FAM181A: variants seen among roughly 807,000 people sequenced by gnomAD.
The protein encoded by FAM181A is protein FAM181A.
A neutral mutation model predicts 16.3 loss-of-function variants in FAM181A; 7 were observed. That is an observed-to-expected ratio of 0.43 (90% CI 0.24 to 0.81). The LOEUF is 0.81. Among genes scored for constraint, FAM181A ranks in the 30% least tolerant of loss-of-function variants. The probability of loss-of-function intolerance (pLI) is 0.24; values close to 1 mark genes in which losing one functional copy is unlikely to be tolerated. For synonymous variants in FAM181A, 183 were observed against 164.9 expected (o/e 1.11, Z -0.84); for missense variants, 349 against 377.5 (o/e 0.92, Z 0.63).
chr14:93,927,341 G>A, upstream of FAM181A: 1 of 1,115,846 alleles, frequency 9.0e-7, no homozygotes, highest in Non-Finnish European at 1.1e-6. Context: ...CCACTCAAGG[G>A]TTGCACAACT....
chr14:93,928,888 G>T lies in FAM181A; in HGVS notation c.603G>T (p.Gly201=), dbSNP rs752271937. 3 of 1,614,150 alleles carry T rather than the reference G, an allele frequency of 1.9e-6. No homozygotes were observed. The Admixed American group carries it at 5.0e-5, about 27-fold the overall frequency. ...LAEKEPLKMP[G]VSLVGRVNAW... is the part of the protein sequence containing the mutation. ...AAAAGGAGCCGCTCAAGATGCCTGG[G>T]GTCTCCTTGGTGGGCCGCGTCAATG... Residue 201 remains glycine (G), a synonymous_variant, in exon 2 of 2, where the codon GGG becomes GGT. Coordinates refer to ENST00000556222, the MANE Select transcript of FAM181A (RefSeq NM_001207073.2).
At position 93,927,445 on chromosome 14, in the gene FAM181A, C is replaced by T. The variant is rs1312841972; in HGVS notation, c.-97C>T. ...CGGGCCACGTTGGTGGGGCCTGGGC[C>T]GCACCTTCGGTCAGTGTGGAGGCCC... On this transcript the variant is annotated 5_prime_UTR_variant, in exon 1 of 2. Transcript: ENST00000556222. 70 of 1,222,598 alleles carry T rather than the reference C, an allele frequency of 5.7e-5. 1 individual carries two copies. The highest frequency in any genetic ancestry group is 6.8e-5 in the Non-Finnish European group (65 of 950,652). 75.7% of individuals were successfully genotyped at this position (1,222,598 alleles called of 1,614,324 possible).
At position 93,929,310 on chromosome 14, in the gene FAM181A, G is replaced by A. The variant is rs1888065219; in HGVS notation, c.*146G>A. The A allele has an allele frequency of 5.3e-6, 6 of 1,127,018 alleles. No homozygotes were observed. The highest frequency in any genetic ancestry group is 3.0e-5 in the Admixed American group (1 of 32,910). The allele number at this position is 1,127,018 out of a possible 1,614,324, so 69.8% of individuals were successfully genotyped here. Reference sequence around the variant, plus strand: ...GGAGTGGAGGGCAGGATTGGGGCAGGGCTCCTCAGGCAGTGACCCTTCAGC... The same window carrying A: ...GGAGTGGAGGGCAGGATTGGGGCAGAGCTCCTCAGGCAGTGACCCTTCAGC... On this transcript the variant is annotated 3_prime_UTR_variant, in exon 2 of 2. Transcript: ENST00000556222.
In FAM181A at chr14:93,927,387, G is replaced by C; in HGVS notation, c.-155G>C. 8.7e-7 allele frequency: 1 copy of C among 1,143,978 alleles called. No homozygotes were observed. Among genetic ancestry groups the C allele is most frequent in the Non-Finnish European group, 1.1e-6 (1 of 918,020 alleles). The allele number at this position is 1,143,978 out of a possible 1,614,324, so 70.9% of individuals were successfully genotyped here. A position where few individuals can be genotyped will look rare whatever the true frequency, so the allele number is the denominator to read the frequency against. ...GGACGGAGCTCGGCCGGCTGCGCCG[G>C]GGCCTGTCCCAGGTCTGCAGTGGGG... On this transcript the variant is annotated 5_prime_UTR_variant, in exon 1 of 2. Coordinates refer to ENST00000556222, the MANE Select transcript of FAM181A (RefSeq NM_001207073.2).
upstream of FAM181A, among the ~76,000 whole-genome samples, chr14:93,922,551 G>A (rs1887763332): frequency 1.3e-5 from 2 of 152,232 alleles, no homozygotes; most frequent in South Asian, 4.2e-4. Context: ...TTAGCCAGGG[G>A]TGGTGGCACA....
chr14:93,929,378 T>G lies in FAM181A; in HGVS notation c.*214T>G. 1.7e-6 allele frequency: 1 copy of G among 576,662 alleles called. No individual in the cohort carries two copies. The highest frequency in any genetic ancestry group is 2.7e-6 in the Non-Finnish European group (1 of 364,268). 35.7% of individuals were successfully genotyped at this position (576,662 alleles called of 1,614,324 possible). On this transcript the variant is annotated 3_prime_UTR_variant, in exon 2 of 2. Transcript: ENST00000556222. ...TGGGAGGCTGGACCTGGTTGGCCCC[T>G]CCCCAGGCAGGCCAGGGCCCAGCAG... is the stretch of plus-strand genomic sequence containing the variant.
chr14:93,927,166 T>G, upstream of FAM181A: 7 of 506,898 alleles, frequency 1.4e-5, no homozygotes, highest in Non-Finnish European at 1.8e-5. Flanking sequence ...AATGATTGCA[T>G]TTGGGAGCTG....
At chr14:93,927,669 T>C (rs746931032) in intron 1 of FAM181A, 2 of 1,233,506 alleles carry the variant, frequency 1.6e-6, no homozygotes, top group Non-Finnish European at 2.1e-6. Context: ...TGCCTGGTCC[T>C]GCGTGAGAGC....
At chr14:93,927,712 C>A in intron 1 of FAM181A, 2 of 955,380 alleles carry the variant, frequency 2.1e-6, no homozygotes, top group East Asian at 8.7e-5. Context: ...AGGAGGGGGG[C>A]TGGTGCTCCT....
chr14:93,921,169 G>T (rs768544644), intron 1 of FAM181A, among the ~76,000 whole-genome samples: 19 of 152,182 alleles, frequency 1.2e-4, no homozygotes, highest in Non-Finnish European at 2.5e-4. Flanking sequence ...GCCCAGAGAG[G>T]GTGAGTGACT....
chr14:93,920,991 A>G (rs188010770), intron 1 of FAM181A, among the ~76,000 whole-genome samples: 146 of 152,328 alleles, frequency 9.6e-4, no homozygotes, highest in African/African-American at 3.3e-3. Flanking sequence ...ATGATGTTGA[A>G]TCTGCTCAGA....
chr14:93,927,446 G>A lies in FAM181A; in HGVS notation c.-96G>A, dbSNP rs571897197. The A allele has an allele frequency of 2.3e-5, 28 of 1,221,630 alleles. No homozygotes were observed. The South Asian group carries it at 2.8e-4, about 12-fold the overall frequency. 75.7% of individuals were successfully genotyped at this position (1,221,630 alleles called of 1,614,324 possible). A position where few individuals can be genotyped will look rare whatever the true frequency, so the allele number is the denominator to read the frequency against. On this transcript the variant is annotated 5_prime_UTR_variant, in exon 1 of 2. Coordinates refer to ENST00000556222, the MANE Select transcript of FAM181A (RefSeq NM_001207073.2). ...GGGCCACGTTGGTGGGGCCTGGGCC[G>A]CACCTTCGGTCAGTGTGGAGGCCCG...
chr14:93,928,083 T>G, intron 1 of FAM181A, 116 bp from the exon 2 acceptor site: 3 of 1,480,248 alleles, frequency 2.0e-6, no homozygotes, highest in Non-Finnish European at 2.7e-6. Flanking sequence ...CAGGACTCTG[T>G]TTAGGGCTGA....
In FAM181A at chr14:93,928,210, G is replaced by A; in HGVS notation, c.-76G>A. ...GTTTTGTCCCCCAGGTCAGCTCGGT[G>A]CCCTTCCTTGGAGCTGCCGGCCACC... On this transcript the variant is annotated 5_prime_UTR_variant, in exon 2 of 2. Coordinates refer to ENST00000556222, the MANE Select transcript of FAM181A (RefSeq NM_001207073.2). 6.2e-7 allele frequency: 1 copy of A among 1,613,056 alleles called. No individual in the cohort carries two copies. The highest frequency in any genetic ancestry group is 8.5e-7 in the Non-Finnish European group (1 of 1,179,700).
chr14:93,919,815 G>T (rs1197816521), intron 1 of FAM181A, among the ~76,000 whole-genome samples: 1 of 152,142 alleles, frequency 6.6e-6, no homozygotes, highest in African/African-American at 2.4e-5. Context: ...TTTGTGAGAT[G>T]CGGCCAAAGC....
upstream of FAM181A, chr14:93,925,316 A>T: frequency 6.2e-7 from 1 of 1,613,736 alleles, no homozygotes; most frequent in Non-Finnish European, 8.5e-7. Flanking sequence ...GGAATGATGC[A>T]GCCCCCACAA....
Position 93,928,598 on chromosome 14 carries a change from A to G in FAM181A, c.313A>G (p.Arg105Gly), listed in dbSNP as rs756906691. 1.9e-6 allele frequency: 3 copies of G among 1,613,908 alleles called. No homozygotes were observed. Among genetic ancestry groups the G allele is most frequent in the South Asian group, 1.1e-5 (1 of 91,086 alleles). ...GGAGAAGGTGCTGAGGAACCCCTAC[A>G]GGGAGGAATGTCTTGCTAAGGAGCA... is the stretch of plus-strand genomic sequence containing the variant. ...CKEKVLRNPY[R>G]EECLAKEQLP... Residue 105 changes from arginine (R) to glycine (G), a missense_variant, in exon 2 of 2, where the codon AGG becomes GGG. Arg to Gly is a moderately radical substitution (Grantham distance 125). Coordinates refer to ENST00000556222, the MANE Select transcript of FAM181A (RefSeq NM_001207073.2).
chr14:93,920,248 T>C (rs1887673392), intron 1 of FAM181A, among the ~76,000 whole-genome samples: 1 of 152,104 alleles, frequency 6.6e-6, no homozygotes, highest in Admixed American at 6.5e-5. Context: ...ACCTCCTCTC[T>C]ACAAAAAATT....
At chr14:93,925,067 C>A, upstream of FAM181A, 1 of 539,514 alleles carries the variant, frequency 1.9e-6, no homozygotes. Flanking sequence ...GAAGAACAGC[C>A]CACATTAAGA....
Sources: allele counts gnomAD v4.1 joint callset (sites outside exome capture counted in the v4.1 genomes callset), GRCh38; gene constraint gnomAD v4.1.1; transcripts MANE v1.5; gene names NCBI Gene and HGNC (gene_info 2026-07-23, HGNC 2026-07-21).